TENM1: variants seen among roughly 807,000 people sequenced by gnomAD.
TENM1 encodes teneurin-1.
In TENM1, 35 loss-of-function variants were observed where a neutral mutation model predicts 174.8. That is an observed-to-expected ratio of 0.20 (90% CI 0.15 to 0.27). The LOEUF (loss-of-function observed/expected upper bound fraction) is 0.27, where lower values mean the gene tolerates loss of function less well. Among genes scored for constraint, TENM1 ranks in the 10% least tolerant of loss-of-function variants. The pLI, the probability that TENM1 is intolerant of heterozygous loss-of-function variation, is 1.00. For synonymous variants in TENM1, 781 were observed against 798.7 expected, an observed-to-expected ratio of 0.98 and a Z score of 0.37; for missense variants, 1,633 against 2,130.1, an observed-to-expected ratio of 0.77 and a Z score of 4.59.
chrX:125,109,232 AATC>A, the TENM1 span, among the ~76,000 whole-genome samples: 1 of 112,194 alleles, frequency 8.9e-6, no homozygotes, highest in Non-Finnish European at 1.9e-5. Flanking sequence ...CACCTGGAAG[AATC>A]ATATCATATT....
At chrX:125,057,699 A>C in the TENM1 span, among the ~76,000 whole-genome samples, 1 of 111,569 alleles carries the variant, frequency 9.0e-6, no homozygotes, top group South Asian at 3.8e-4. Context: ...AAAGTGAGAA[A>C]GCCCTGGCAA....
the TENM1 span, among the ~76,000 whole-genome samples, chrX:124,973,667 T>C: frequency 1.8e-5 from 2 of 111,896 alleles, no homozygotes; most frequent in African/African-American, 3.3e-5. Flanking sequence ...TTTGTAGCAA[T>C]TGTGAATGGG....
intron 5 of TENM1, among the ~76,000 whole-genome samples, chrX:124,703,320 AAGAC>A (rs2052819267): frequency 8.9e-6 from 1 of 112,201 alleles, no homozygotes; most frequent in Non-Finnish European, 1.9e-5. Context: ...TCTATTAAAA[AAGAC>A]AGTCCTTGAA....
intron 1 of TENM1, among the ~76,000 whole-genome samples, chrX:124,906,301 AT>A (rs1221993978): frequency 1.4e-4 from 16 of 112,024 alleles, no homozygotes; most frequent in Non-Finnish European, 1.9e-4. Flanking sequence ...CTGAATGTGT[AT>A]TGCTTTTAAA....
At chrX:125,169,015 GATC>G in the TENM1 span, among the ~76,000 whole-genome samples, 1 of 110,509 alleles carries the variant, frequency 9.0e-6, no homozygotes. Context: ...TGCGCACGCA[GATC>G]ATATTTTTTA....
chrX:124,916,505 G>T (rs976481179), intron 1 of TENM1, among the ~76,000 whole-genome samples: 1 of 111,086 alleles, frequency 9.0e-6, no homozygotes, highest in African/African-American at 3.3e-5. Context: ...AGAGATGGGG[G>T]TCTCACTTTG....
At position 124,460,739 on chromosome X, in the gene TENM1, G is replaced by GAA. The variant is rs113811946; in HGVS notation, c.3950-7250_3950-7249dup. 9.6e-3 allele frequency among the ~76,000 whole-genome samples: 861 copies of GAA among 89,274 alleles called. 3 individuals are homozygous for GAA. Among genetic ancestry groups the GAA allele is most frequent in the Non-Finnish European group, 0.014 (641 of 44,313 alleles). 77.5% of individuals were successfully genotyped at this position (89,274 alleles called of 115,157 possible). ...TACCCCTGAACTTAAAGTAGAAGTT[G>GAA]AAAAAAAAAAAAAAGAAAATGCTAG... is the stretch of plus-strand genomic sequence containing the variant. On this transcript the variant is annotated intron_variant, in intron 22 of 31. Coordinates refer to ENST00000422452, the Ensembl canonical transcript of TENM1.
At chrX:125,039,412 C>T in the TENM1 span, among the ~76,000 whole-genome samples, 1 of 110,921 alleles carries the variant, frequency 9.0e-6, no homozygotes, top group African/African-American at 3.3e-5. Flanking sequence ...ATGGAACCAC[C>T]AGGGGAGTCA....
chrX:124,738,173 C>T (rs1273805161), intron 3 of TENM1, among the ~76,000 whole-genome samples: 1 of 111,839 alleles, frequency 8.9e-6, no homozygotes, highest in East Asian at 2.8e-4. Flanking sequence ...TCTTGTAACA[C>T]CAGCACGTTC....
the TENM1 span, among the ~76,000 whole-genome samples, chrX:125,008,365 G>A: frequency 2.7e-5 from 3 of 111,742 alleles, no homozygotes; most frequent in African/African-American, 9.8e-5. Flanking sequence ...CAATACAGGA[G>A]TACCCAGATT....
At chrX:124,630,430 C>G (rs1267750924) in intron 11 of TENM1, among the ~76,000 whole-genome samples, 1 of 112,208 alleles carries the variant, frequency 8.9e-6, no homozygotes, top group Non-Finnish European at 1.9e-5. Flanking sequence ...GGAACTGGAT[C>G]TAATATTGTT....
At chrX:124,406,318 T>C in exon 26 of TENM1, 1 of 1,202,875 alleles carries the variant, frequency 8.3e-7, no homozygotes, top group Non-Finnish European at 1.1e-6. Flanking sequence ...CAATCTTACC[T>C]TGTTTTAAAA....
In TENM1 at chrX:124,860,428, G is replaced by T. The variant is rs141364502; in HGVS notation, c.535+33868C>A. Among the ~76,000 whole-genome samples the T allele has an allele frequency of 5.2e-3, 584 of 112,001 alleles. 2 individuals carry two copies. The highest frequency in any genetic ancestry group is 0.018 in the African/African-American group (564 of 30,837). ...ACTGGCATAAAGAAGGAGAGAGCCA[G>T]AACACTGAAGAACATGCAGCAGTCT... On this transcript the variant is annotated intron_variant, in intron 3 of 31. Coordinates refer to ENST00000422452, the Ensembl canonical transcript of TENM1.
chrX:125,007,678 A>G, the TENM1 span, among the ~76,000 whole-genome samples: 1 of 112,104 alleles, frequency 8.9e-6, no homozygotes, highest in Non-Finnish European at 1.9e-5. Flanking sequence ...TCAGAATAAC[A>G]GCAGACCTCT....
At chrX:124,748,171 GACCAGCT>G (rs1182646185) in intron 3 of TENM1, among the ~76,000 whole-genome samples, 1 of 111,156 alleles carries the variant, frequency 9.0e-6, no homozygotes, top group Non-Finnish European at 1.9e-5. Context: ...TAGGCTTACT[GACCAGCT>G]ACCTGATCTT....
At chrX:125,175,624 T>C in the TENM1 span, among the ~76,000 whole-genome samples, 1 of 110,887 alleles carries the variant, frequency 9.0e-6, no homozygotes. Flanking sequence ...GCAATGAGAA[T>C]AAAGGGCTTA....
chrX:124,721,916 C>G (rs1433230912), intron 4 of TENM1, among the ~76,000 whole-genome samples: 1 of 112,273 alleles, frequency 8.9e-6, no homozygotes, highest in Non-Finnish European at 1.9e-5. Context: ...TGCCTATATG[C>G]ACGCACACAA....
the TENM1 span, among the ~76,000 whole-genome samples, chrX:125,116,084 A>G: frequency 9.0e-6 from 1 of 111,705 alleles, no homozygotes; most frequent in African/African-American, 3.3e-5. Flanking sequence ...CCTCAGAAAT[A>G]ATGCCACACA....
chrX:124,941,213 TA>T (rs2058321032), intron 1 of TENM1, among the ~76,000 whole-genome samples: 1 of 111,865 alleles, frequency 8.9e-6, no homozygotes, highest in South Asian at 3.7e-4. Context: ...ACTACTACAC[TA>T]AAAATCTCTT....
Sources: gnomAD v4.1 joint callset for allele counts (sites outside exome capture counted in the v4.1 genomes callset) on GRCh38, gnomAD v4.1.1 for gene constraint, MANE v1.5 for transcripts, NCBI Gene and HGNC (gene_info 2026-07-23, HGNC 2026-07-21) for gene names.